The following DNAH5 variants were observed in gnomAD, a reference collection of about 807,000 sequenced individuals.
DNAH5 encodes the protein axonemal beta dynein heavy chain 5.
A neutral mutation model predicts 518.2 loss-of-function variants in DNAH5; 372 were observed. That is an observed-to-expected ratio of 0.72 (90% confidence interval 0.66 to 0.78). DNAH5 has a LOEUF of 0.78. Ranked by LOEUF, DNAH5 falls within the 30% of genes least tolerant of loss-of-function variation. DNAH5 has a pLI of 0.00. For synonymous variants in DNAH5, 2,039 were observed against 2,025.9 expected, an observed-to-expected ratio of 1.01 and a Z score of -0.17; for missense variants, 5,523 against 5,687.0, an observed-to-expected ratio of 0.97 and a Z score of 0.93.
At position 13,807,591 on chromosome 5, in the gene DNAH5, C is replaced by A; in HGVS notation, c.7887G>T (p.Gln2629His). ...FSSATTPLMF[Q>H]RTIESYVDKR... ...CTGAGCCATACCAAAGAGCCAGTAC[C>A]TGGAACATCAGTGGGGTGGTTGCAG... Residue 2629 changes from glutamine to histidine, a missense_variant and splice_region_variant, in exon 47 of 79, where the codon CAG (glutamine) becomes CAT (histidine). Physicochemically the swap from Gln to His is conservative, Grantham distance 24. Around this residue, in one of 3 missense-constraint regions of DNAH5, gnomAD observed 5,121 missense variants for 5,223.3 expected, o/e 0.98. Coordinates refer to ENST00000265104, the MANE Select transcript of DNAH5 (RefSeq NM_001369.3). 1 of 1,613,528 alleles carries A rather than the reference C, an allele frequency of 6.2e-7. No individual in the cohort carries two copies. The highest frequency in any genetic ancestry group is 8.5e-7 in the Non-Finnish European group (1 of 1,179,674).
intron 39 of DNAH5, among the ~76,000 whole-genome samples, chr5:13,823,687 G>T (rs965232616): frequency 2.6e-5 from 4 of 152,144 alleles, no homozygotes; most frequent in African/African-American, 4.8e-5. Flanking sequence ...AAACTTAAAA[G>T]AATTTTTAAA....
At chr5:13,800,852 A>T (rs1312495633) in intron 47 of DNAH5, among the ~76,000 whole-genome samples, 3 of 152,178 alleles carry the variant, frequency 2.0e-5, no homozygotes, top group African/African-American at 7.2e-5. Flanking sequence ...CAGTTAATAA[A>T]ACCAAGTAGA....
In DNAH5 at chr5:13,911,379, A is replaced by C; in HGVS notation, c.1644+7T>G. 1 of 1,606,798 alleles carries C rather than the reference A, an allele frequency of 6.2e-7. No individual in the cohort carries two copies. The highest frequency in any genetic ancestry group is 1.1e-5 in the South Asian group (1 of 90,950). ...ACTGTCAACAGGAATTTTATTATAC[A>C]ACCTACATGAAGGTCATTAGTCTGC... On this transcript the variant is annotated splice_region_variant and intron_variant, in intron 12 of 78. Coordinates refer to ENST00000265104, the MANE Select transcript of DNAH5 (RefSeq NM_001369.3).
At chr5:13,789,003 T>G in intron 50 of DNAH5, 89 bp from the exon 51 acceptor site, 2 of 1,206,318 alleles carry the variant, frequency 1.7e-6, no homozygotes, top group Non-Finnish European at 2.4e-6. Context: ...GTATTATCCT[T>G]CCTGATTTAA....
At chr5:13,859,400 CT>C in intron 30 of DNAH5, 51 bp downstream of exon 30, 1 of 1,606,142 alleles carries the variant, frequency 6.2e-7, no homozygotes. Context: ...GGTAATCGCT[CT>C]GAGAGCTTTC....
chr5:13,821,708 CTA>C (rs1432992212), intron 40 of DNAH5, among the ~76,000 whole-genome samples: 1 of 152,204 alleles, frequency 6.6e-6, no homozygotes. Context: ...TCACTTTATG[CTA>C]TGATTTGCCC....
intron 1 of DNAH5, among the ~76,000 whole-genome samples, chr5:14,009,305 C>G (rs413546): frequency 0.42 from 63,158 of 152,016 alleles, 14,267 homozygotes; most frequent in East Asian, 0.81. Flanking sequence ...CCAATTCCTC[C>G]AAATAGCCAT....
intron 61 of DNAH5, among the ~76,000 whole-genome samples, chr5:13,756,160 C>G (rs1300603584): frequency 2.6e-5 from 4 of 152,126 alleles, no homozygotes; most frequent in Non-Finnish European, 5.9e-5. Context: ...GGGGCACAGC[C>G]AGGACACACT....
intron 47 of DNAH5, among the ~76,000 whole-genome samples, chr5:13,797,262 G>A (rs537509316): frequency 2.0e-5 from 3 of 152,166 alleles, no homozygotes; most frequent in African/African-American, 7.2e-5. Context: ...GAGTGAACAG[G>A]CAACCTACAG....
intron 68 of DNAH5, among the ~76,000 whole-genome samples, chr5:13,731,090 C>T (rs4701978): frequency 0.65 from 99,125 of 152,090 alleles, 33,055 homozygotes; most frequent in African/African-American, 0.8. Flanking sequence ...AAACAAATGA[C>T]AATACTCAAG....
rs750485924 is a variant in DNAH5 at position 13,766,052 on chromosome 5, T to G, written c.10025A>C (p.Glu3342Ala). ...RKVSAVKIDL[E>A]KSCTMPSWQE... Reference sequence around the variant, plus strand: ...CCAGGAGGGCATGGTACAGCTTTTTTCCAGGTCAATTTTCACAGCACTGAC... The same window carrying G: ...CCAGGAGGGCATGGTACAGCTTTTTGCCAGGTCAATTTTCACAGCACTGAC... The change falls in exon 59 of 79, where the codon GAA (glutamate) becomes GCA (alanine). Residue 3342 changes from glutamate (E) to alanine (A), a missense_variant. Coordinates refer to ENST00000265104, the MANE Select transcript of DNAH5 (RefSeq NM_001369.3). 5 of 1,614,206 alleles carry G rather than the reference T, an allele frequency of 3.1e-6. No individual in the cohort carries two copies. The highest frequency in any genetic ancestry group is 2.2e-5 in the South Asian group (2 of 91,090).
intron 47 of DNAH5, among the ~76,000 whole-genome samples, chr5:13,798,740 TTTTATTTATTTATTTATTTATTTA>T (rs1157548763): frequency 1.1e-5 from 1 of 87,274 alleles, no homozygotes; most frequent in East Asian, 3.5e-4. Context: ...ATTTTATTTA[TTTTATTTATTTATTTATTTATTTA>T]TTTATTTATT....
chr5:13,840,232 T>TTA (rs1421329666), intron 34 of DNAH5, among the ~76,000 whole-genome samples: 1 of 152,226 alleles, frequency 6.6e-6, no homozygotes, highest in Non-Finnish European at 1.5e-5. Flanking sequence ...TCAGGACCAA[T>TTA]CTTTCATAAT....
intron 60 of DNAH5, among the ~76,000 whole-genome samples, chr5:13,761,837 A>G (rs2126741131): frequency 6.6e-6 from 1 of 152,324 alleles, no homozygotes; most frequent in South Asian, 2.1e-4. Flanking sequence ...GGACCTCAAG[A>G]GCCTCAATTG....
chr5:13,927,109 A>G (rs916981088), intron 3 of DNAH5, among the ~76,000 whole-genome samples: 5 of 152,156 alleles, frequency 3.3e-5, no homozygotes, highest in African/African-American at 1.2e-4. Flanking sequence ...ACATTTAATC[A>G]GATATTGACT....
chr5:13,920,520 AT>A lies in DNAH5; in HGVS notation c.757del (p.Ile253Ter). The A allele has an allele frequency of 2.5e-6, 4 of 1,613,944 alleles. No homozygotes were observed. Among genetic ancestry groups the A allele is most frequent in the Non-Finnish European group, 2.5e-6 (3 of 1,179,978 alleles). On this transcript the variant is annotated frameshift_variant, in exon 6 of 79. Transcript: ENST00000265104. LOFTEE classifies it high-confidence loss of function. ...GATCCATACTTTCATGCAATCCTCT[AT>A]TTTTCCCAAAGTCTCAGGGTTATTT... is the stretch of plus-strand genomic sequence containing the variant. ...LANNPETLGK[I>X]EDCMKVWIKQ...
intron 75 of DNAH5, among the ~76,000 whole-genome samples, chr5:13,708,640 A>T (rs1374532243): frequency 2.0e-5 from 3 of 152,020 alleles, no homozygotes; most frequent in African/African-American, 7.2e-5. Context: ...TTATTGGGAA[A>T]CTCCCTTTCT....
chr5:13,963,367 C>T lies in DNAH5; in HGVS notation c.13-32123G>A, dbSNP rs192922916. ...CCGAGGCGGGTGGACCACCTGAAGT[C>T]AGGAGTTCGAGACCAGCCTGGCCAA... On this transcript the variant is annotated intron_variant, in intron 1 of 78. Transcript: ENST00000681290. Among the ~76,000 whole-genome samples the T allele has an allele frequency of 3.4e-3, 522 of 152,242 alleles. 2 individuals carry two copies. Among genetic ancestry groups the T allele is most frequent in the African/African-American group, 0.012 (502 of 41,538 alleles).
chr5:13,912,526 A>G (rs1449012820), intron 11 of DNAH5, among the ~76,000 whole-genome samples: 1 of 151,686 alleles, frequency 6.6e-6, no homozygotes, highest in Non-Finnish European at 1.5e-5. Flanking sequence ...AATGTCTAGG[A>G]TTTACAGTGC....
Sources: allele counts gnomAD v4.1 joint callset (sites outside exome capture counted in the v4.1 genomes callset), GRCh38; gene constraint gnomAD v4.1.1; regional missense constraint gnomAD v4.1.1; transcripts MANE v1.5; gene names NCBI Gene and HGNC (gene_info 2026-07-23, HGNC 2026-07-21).